CALCR: variants seen among roughly 807,000 people sequenced by gnomAD.
CALCR encodes calcitonin receptor.
Under a neutral mutation model 59.5 loss-of-function variants are expected in CALCR, and 47 were observed. The observed-to-expected ratio is 0.79, with a 90% confidence interval of 0.63 to 1.01. The LOEUF (loss-of-function observed/expected upper bound fraction) is 1.01, where lower values mean the gene tolerates loss of function less well. CALCR is among the 50% of genes least tolerant of loss of function. The pLI, the probability that CALCR is intolerant of heterozygous loss-of-function variation, is 0.00. For synonymous variants in CALCR, 213 were observed against 211.3 expected (o/e 1.01, Z -0.07); for missense variants, 566 against 597.1 (o/e 0.95, Z 0.54).
chr7:93,426,374 C>G lies in CALCR; in HGVS notation c.1407G>C (p.Glu469Asp). The G allele has an allele frequency of 1.2e-6, 2 of 1,603,030 alleles. No homozygotes were observed. Among genetic ancestry groups the G allele is most frequent in the East Asian group, 4.5e-5 (2 of 44,782 alleles). Residue 469 changes from glutamate to aspartate, a missense_variant, in exon 14 of 14, where the codon GAG (glutamate) becomes GAC (aspartate). By Grantham distance (45) the Glu-to-Asp change is conservative. Coordinates refer to ENST00000426151, the MANE Select transcript of CALCR (RefSeq NM_001742.4). ...TTCACATTCAAGCAGATGACTCTTG[C>G]TCTATGATATTCAAAGGGATGATCT... is the stretch of plus-strand genomic sequence containing the variant. ...SAEIIPLNIIEQESSA is the reference protein window; with the variant it reads ...SAEIIPLNIIDQESSA
chr7:93,463,650 C>A (rs187599909), intron 7 of CALCR, among the ~76,000 whole-genome samples: 1 of 152,028 alleles, frequency 6.6e-6, no homozygotes, highest in Admixed American at 6.6e-5. Context: ...TATACTATGC[C>A]ATTTTTAATT....
chr7:93,509,374 T>C (rs1349936635), intron 2 of CALCR, among the ~76,000 whole-genome samples: 1 of 152,090 alleles, frequency 6.6e-6, no homozygotes, highest in African/African-American at 2.4e-5. Context: ...AAGATCCTAA[T>C]AGAACATTTA....
At chr7:93,560,420 C>CACCTATTATACA (rs1157177462) in intron 2 of CALCR, among the ~76,000 whole-genome samples, 1 of 151,982 alleles carries the variant, frequency 6.6e-6, no homozygotes, top group Non-Finnish European at 1.5e-5. Flanking sequence ...TGCTGGTATG[C>CACCTATTATACA]ACCTATTATA....
chr7:93,560,521 T>C (rs1789720736), intron 2 of CALCR, among the ~76,000 whole-genome samples: 1 of 152,140 alleles, frequency 6.6e-6, no homozygotes, highest in Non-Finnish European at 1.5e-5. Flanking sequence ...CACTGTAGGA[T>C]CCTACTTTTC....
At chr7:93,472,792 G>A (rs940268721) in intron 5 of CALCR, among the ~76,000 whole-genome samples, 1 of 151,658 alleles carries the variant, frequency 6.6e-6, no homozygotes, top group Non-Finnish European at 1.5e-5. Flanking sequence ...CCAAAGACAT[G>A]GATATCGGTC....
At chr7:93,561,570 A>G (rs1284420981) in intron 2 of CALCR, among the ~76,000 whole-genome samples, 1 of 152,208 alleles carries the variant, frequency 6.6e-6, no homozygotes, top group East Asian at 1.9e-4. Context: ...ATCATCAACT[A>G]TCACCATCAT....
intron 2 of CALCR, among the ~76,000 whole-genome samples, chr7:93,514,073 A>G (rs1801604243): frequency 6.6e-6 from 1 of 152,038 alleles, no homozygotes; most frequent in African/African-American, 2.4e-5. Flanking sequence ...TCACAATTTC[A>G]TTCACCCTCA....
chr7:93,486,440 A>C (rs1800946269), intron 3 of CALCR, among the ~76,000 whole-genome samples: 1 of 151,664 alleles, frequency 6.6e-6, no homozygotes, highest in African/African-American at 2.4e-5. Context: ...AAGTTTCCAT[A>C]GTCAGTTTTT....
chr7:93,504,202 A>G (rs761009056), intron 2 of CALCR, among the ~76,000 whole-genome samples: 5 of 152,198 alleles, frequency 3.3e-5, no homozygotes, highest in Non-Finnish European at 7.4e-5. Flanking sequence ...CACATTTCCC[A>G]TTTTAATTCT....
chr7:93,451,013 T>C (rs1338086893), intron 8 of CALCR, among the ~76,000 whole-genome samples: 1 of 151,964 alleles, frequency 6.6e-6, no homozygotes. Context: ...AATTTATCTA[T>C]TTAGTTGTAA....
chr7:93,554,087 C>A (rs1265748306), intron 2 of CALCR, among the ~76,000 whole-genome samples: 4 of 152,152 alleles, frequency 2.6e-5, no homozygotes, highest in East Asian at 1.9e-4. Context: ...AGAGATTAAA[C>A]CTTCCATTGC....
chr7:93,532,219 T>A (rs1788858985), intron 2 of CALCR, among the ~76,000 whole-genome samples: 1 of 152,094 alleles, frequency 6.6e-6, no homozygotes, highest in Admixed American at 6.6e-5. Context: ...CTAAAGATGA[T>A]GAAGTCTGTC....
At chr7:93,512,061 C>G (rs1801558344) in intron 2 of CALCR, among the ~76,000 whole-genome samples, 1 of 152,184 alleles carries the variant, frequency 6.6e-6, no homozygotes, top group Admixed American at 6.6e-5. Context: ...GCTTAATGCT[C>G]TTCCTTAGGA....
At chr7:93,488,971 GTA>G (rs1801013441) in intron 2 of CALCR, among the ~76,000 whole-genome samples, 1 of 151,814 alleles carries the variant, frequency 6.6e-6, no homozygotes, top group East Asian at 1.9e-4. Context: ...ATTCTTCTCA[GTA>G]CCACATGGAA....
chr7:93,548,762 A>C (rs1563016620), intron 2 of CALCR, among the ~76,000 whole-genome samples: 1 of 151,656 alleles, frequency 6.6e-6, no homozygotes, highest in South Asian at 2.1e-4. Flanking sequence ...CTTAGGAATT[A>C]TTAGAATTCA....
chr7:93,492,613 A>G (rs1235485316), intron 2 of CALCR, among the ~76,000 whole-genome samples: 1 of 151,496 alleles, frequency 6.6e-6, no homozygotes, highest in East Asian at 1.9e-4. Context: ...GAGGCACTAC[A>G]TGAAATGTAA....
chr7:93,453,840 A>T (rs901854641), intron 8 of CALCR, among the ~76,000 whole-genome samples: 1 of 152,072 alleles, frequency 6.6e-6, no homozygotes, highest in Non-Finnish European at 1.5e-5. Flanking sequence ...AACTTTAAAA[A>T]GGAATAAAGA....
intron 2 of CALCR, among the ~76,000 whole-genome samples, chr7:93,515,383 T>C (rs1313513248): frequency 6.6e-6 from 1 of 152,002 alleles, no homozygotes; most frequent in Non-Finnish European, 1.5e-5. Context: ...AAAGGAGGTA[T>C]GTCAAAGCAG....
In CALCR at chr7:93,532,838, C is replaced by CAAAAAAAAAAAAAAAAAAAAAAAA. The variant is rs57128008; in HGVS notation, c.-27+41427_-27+41450dup. 2.6e-4 allele frequency among the ~76,000 whole-genome samples: 25 copies of CAAAAAAAAAAAAAAAAAAAAAAAA among 95,678 alleles called. 1 individual carries two copies. The highest frequency in any genetic ancestry group is 1.2e-3 in the African/African-American group (24 of 19,928). 62.8% of individuals were successfully genotyped at this position (95,678 alleles called of 152,430 possible). ...TAGCCTTGATTCCTCATGTCCAAAG[C>CAAAAAAAAAAAAAAAAAAAAAAAA]AAAAAAAAAAAAAAAAAAAAAAAAA... On this transcript the variant is annotated intron_variant, in intron 2 of 13. Transcript: ENST00000426151.
Sources: gnomAD v4.1 joint callset for allele counts (sites outside exome capture counted in the v4.1 genomes callset) on GRCh38, gnomAD v4.1.1 for gene constraint, MANE v1.5 for transcripts, NCBI Gene and HGNC (gene_info 2026-07-23, HGNC 2026-07-21) for gene names.